CNTRL: variants seen among roughly 807,000 people sequenced by gnomAD.
The protein encoded by CNTRL is centriolin, also known as 110 kDa centrosomal protein.
CNTRL carries 233 observed loss-of-function variants against 303.7 expected under a neutral mutation model. The observed-to-expected ratio is 0.77, with a 90% CI of 0.69 to 0.86. CNTRL has a LOEUF of 0.86. CNTRL is among the 40% of genes least tolerant of loss of function. CNTRL has a pLI of 0.00. For missense variants in CNTRL, 2,524 were observed against 2,650.6 expected, an observed-to-expected ratio of 0.95 and a Z score of 1.05; for synonymous variants, 900 against 922.2, an observed-to-expected ratio of 0.98 and a Z score of 0.44.
At chr9:121,175,305 C>T (rs1255748315) in intron 43 of CNTRL, 81 bp downstream of exon 43, 9 of 1,310,360 alleles carry the variant, frequency 6.9e-6, no homozygotes, top group Admixed American at 3.7e-5. Context: ...CTTGCCCTAC[C>T]GCCCAGGCTG....
In CNTRL at chr9:121,138,527, T is replaced by G; in HGVS notation, c.2203-18T>G. On this transcript the variant is annotated intron_variant, in intron 15 of 43. Transcript: ENST00000373855. ...TTGCTGTTTTACACTTTCATGTCATTGCTTCCTATGGTGACAGTTAGAACA... is the reference window on the plus strand; with the variant it reads ...TTGCTGTTTTACACTTTCATGTCATGGCTTCCTATGGTGACAGTTAGAACA... 4 of 1,607,012 alleles carry G rather than the reference T, an allele frequency of 2.5e-6. No individual in the cohort carries two copies. Among genetic ancestry groups the G allele is most frequent in the Non-Finnish European group, 3.4e-6 (4 of 1,176,484 alleles).
chr9:121,145,788 C>T (rs939105402), intron 22 of CNTRL, among the ~76,000 whole-genome samples: 6 of 152,156 alleles, frequency 3.9e-5, no homozygotes, highest in African/African-American at 1.2e-4. Context: ...CCCAGCTACT[C>T]GGGAAGGTGA....
rs982879128 is a variant in CNTRL at position 121,151,344 on chromosome 9, A to G, written c.3963+861A>G. ...TTAGGCTAGATTCTAAGAAATAATT[A>G]TTTCCTAATTACTAGATTACTTCCT... On this transcript the variant is annotated intron_variant, in intron 25 of 43. Coordinates refer to ENST00000373855, the MANE Select transcript of CNTRL (RefSeq NM_007018.6). 2.4e-5 allele frequency among the ~76,000 whole-genome samples: 3 copies of G among 123,154 alleles called. No homozygotes were observed. The Admixed American group carries it at 2.5e-4, about 10-fold the overall frequency. The allele number at this position is 123,154 out of a possible 152,430, so 80.8% of individuals were successfully genotyped here. A position where few individuals can be genotyped will look rare whatever the true frequency, so the allele number is the denominator to read the frequency against.
chr9:121,134,105 G>A (rs2051037238), intron 14 of CNTRL, among the ~76,000 whole-genome samples: 1 of 152,012 alleles, frequency 6.6e-6, no homozygotes, highest in Admixed American at 6.6e-5. Context: ...TAAATATTTT[G>A]ATTTATTTAT....
intron 36 of CNTRL, 75 bp from the exon 37 acceptor site, chr9:121,167,414 G>T: frequency 8.6e-7 from 1 of 1,164,012 alleles, no homozygotes; most frequent in Non-Finnish European, 1.2e-6. Flanking sequence ...AGACTTAGTA[G>T]ATACTGGATT....
In CNTRL at chr9:121,088,372, C is replaced by A; in HGVS notation, c.46C>A (p.Pro16Thr). The change falls in exon 3 of 44, where the codon CCA becomes ACA. Residue 16 changes from proline to threonine, a missense_variant. Physicochemically the swap from Pro to Thr is conservative, Grantham distance 38. Coordinates refer to ENST00000373855, the MANE Select transcript of CNTRL (RefSeq NM_007018.6). ...QQKIFSKAKI[P>T]SSSHSPIPSS... ...AAAAATATTCTCCAAAGCAAAGATA[C>A]CATCATCATCTCACTCTCCTATCCC... 1 of 1,613,584 alleles carries A rather than the reference C, an allele frequency of 6.2e-7. No homozygotes were observed. The highest frequency in any genetic ancestry group is 8.5e-7 in the Non-Finnish European group (1 of 1,179,586).
chr9:121,129,436 G>A (rs1475526715), intron 14 of CNTRL, among the ~76,000 whole-genome samples: 1 of 151,674 alleles, frequency 6.6e-6, no homozygotes, highest in Non-Finnish European at 1.5e-5. Flanking sequence ...TTGGCTCTCT[G>A]TCTATTATTG....
At chr9:121,149,667 A>G (rs950690426) in intron 24 of CNTRL, among the ~76,000 whole-genome samples, 4 of 152,050 alleles carry the variant, frequency 2.6e-5, no homozygotes, top group Admixed American at 6.5e-5. Flanking sequence ...TCGGCCTCCC[A>G]AAGTGCTGGG....
intron 10 of CNTRL, among the ~76,000 whole-genome samples, chr9:121,114,584 C>G (rs150827868): frequency 6.6e-6 from 1 of 152,140 alleles, no homozygotes; most frequent in East Asian, 1.9e-4. Flanking sequence ...TTTTATAGGA[C>G]AGAGGGAGAG....
chr9:121,135,889 C>G lies in CNTRL; in HGVS notation c.2109C>G (p.Ala703=). 3 of 1,614,028 alleles carry G rather than the reference C, an allele frequency of 1.9e-6. No individual in the cohort carries two copies. The highest frequency in any genetic ancestry group is 2.5e-6 in the Non-Finnish European group (3 of 1,179,964). Residue 703 remains alanine (A), a synonymous_variant, in exon 15 of 44, where the codon GCC becomes GCG. Transcript: ENST00000373855. ...AGCAGACCCAGGGAGATCTCAGTGC[C>G]TATGAAGCTGAGCTAGAGGCTCGGC... ...SLQQTQGDLS[A]YEAELEARLN... is the part of the protein sequence containing the mutation.
At chr9:121,096,073 A>G (rs541242725) in intron 5 of CNTRL, among the ~76,000 whole-genome samples, 1 of 152,346 alleles carries the variant, frequency 6.6e-6, no homozygotes, top group East Asian at 1.9e-4. Context: ...AGCAGATAGG[A>G]CAGGGTGCTA....
intron 16 of CNTRL, 122 bp from the exon 17 acceptor site, chr9:121,140,519 T>A: frequency 1.2e-6 from 1 of 828,306 alleles, no homozygotes; most frequent in South Asian, 3.0e-5. Context: ...TAGAAATTTC[T>A]TTTTACTTGA....
At chr9:121,154,643 C>T in intron 26 of CNTRL, 78 bp from the exon 27 acceptor site, 1 of 805,492 alleles carries the variant, frequency 1.2e-6, no homozygotes, top group Non-Finnish European at 2.0e-6. Flanking sequence ...CATTGTAGAT[C>T]TTTTTAGTAG....
chr9:121,087,864 C>T (rs2048407305), intron 2 of CNTRL, among the ~76,000 whole-genome samples: 1 of 152,028 alleles, frequency 6.6e-6, no homozygotes, highest in African/African-American at 2.4e-5. Context: ...CATGGAGTGG[C>T]CAGGGAGGCA....
intron 15 of CNTRL, among the ~76,000 whole-genome samples, chr9:121,136,546 G>A (rs564225786): frequency 6.6e-6 from 1 of 152,156 alleles, no homozygotes; most frequent in African/African-American, 2.4e-5. Flanking sequence ...CCCGACCTCA[G>A]GCGATCCACC....
intron 9 of CNTRL, among the ~76,000 whole-genome samples, chr9:121,113,150 T>C (rs1366426930): frequency 6.6e-6 from 1 of 152,186 alleles, no homozygotes; most frequent in Non-Finnish European, 1.5e-5. Flanking sequence ...ACTGAGATTT[T>C]ATTTATATGA....
Position 121,135,813 on chromosome 9 carries a change from C to T in CNTRL, c.2033C>T (p.Ala678Val), listed in dbSNP as rs1397324982. The T allele has an allele frequency of 6.2e-7, 1 of 1,609,130 alleles. No individual in the cohort carries two copies. The highest frequency in any genetic ancestry group is 1.7e-5 in the Admixed American group (1 of 59,144). Reference protein sequence around the residue: ...MDAENMRKELAELESALQEQH... With the variant: ...MDAENMRKELVELESALQEQH... The stretch of plus-strand genomic sequence containing the variant: ...CCCACTGAATCTTTCTAGGAGCTTG[C>T]AGAGCTAGAAAGTGCCCTCCAAGAG... Residue 678 changes from alanine (A) to valine (V), a missense_variant, in exon 15 of 44, where the codon GCA (alanine) becomes GTA (valine). Ala to Val is a moderately conservative substitution (Grantham distance 64). Transcript: ENST00000373855.
At chr9:121,121,790 T>C (rs1166696729) in intron 12 of CNTRL, 2 of 985,304 alleles carry the variant, frequency 2.0e-6, no homozygotes, top group East Asian at 2.3e-4. Flanking sequence ...AAGAATGTGG[T>C]TTGAGGCTCT....
rs759718992 is a variant in CNTRL, at chr9:121,150,291, C to G, written c.3771C>G (p.Pro1257=). 1 of 1,614,124 alleles carries G rather than the reference C, an allele frequency of 6.2e-7. No homozygotes were observed. The highest frequency in any genetic ancestry group is 1.1e-5 in the South Asian group (1 of 91,082). ...TGCTTCCTGATGGTTCTCCTGTACC[C>G]CAGGGCATGGCCCTGTATGCACCAC... ...YTVLPDGSPV[P]QGMALYAPPP... The change falls in exon 25 of 44, where the codon CCC becomes CCG. Residue 1257 remains proline (P), a synonymous_variant. Transcript: ENST00000373855.
Sources: allele counts gnomAD v4.1 joint callset (sites outside exome capture counted in the v4.1 genomes callset), GRCh38; gene constraint gnomAD v4.1.1; transcripts MANE v1.5; gene names NCBI Gene and HGNC (gene_info 2026-07-23, HGNC 2026-07-21).